Variants in RAPGEF2 observed in about 807,000 individuals in gnomAD.
RAPGEF2 encodes Rap guanine nucleotide exchange factor 2.
Under a neutral mutation model 186.7 loss-of-function variants are expected in RAPGEF2, and 54 were observed. That is an observed-to-expected ratio of 0.29 (90% CI 0.23 to 0.36). The LOEUF is 0.36. RAPGEF2 is among the 10% of genes least tolerant of loss of function. RAPGEF2 has a pLI of 1.00. For missense variants in RAPGEF2, 1,532 were observed against 2,045.0 expected (o/e 0.75, Z 4.84); for synonymous variants, 712 against 705.9 (o/e 1.01, Z -0.14).
chr4:159,124,703 T>C (rs1016559665), intron 1 of RAPGEF2, among the ~76,000 whole-genome samples: 61 of 152,344 alleles, frequency 4.0e-4, no homozygotes, highest in African/African-American at 1.3e-3. Context: ...CTGTTTTGGT[T>C]ATTTTTTCTT....
chr4:159,355,619 A>G (rs555900459), intron 28 of RAPGEF2, among the ~76,000 whole-genome samples: 190 of 152,272 alleles, frequency 1.2e-3, no homozygotes, highest in African/African-American at 4.2e-3. Flanking sequence ...ACTTAGATGG[A>G]CTAGCAGCTT....
At chr4:159,332,332 C>A in intron 16 of RAPGEF2, 119 bp from the exon 17 acceptor site, 2 of 1,055,754 alleles carry the variant, frequency 1.9e-6, no homozygotes, top group Non-Finnish European at 2.7e-6. Flanking sequence ...TGCAGGTTTG[C>A]AGTTTTGATA....
chr4:159,227,369 A>T (rs1752150168), intron 4 of RAPGEF2, among the ~76,000 whole-genome samples: 1 of 152,232 alleles, frequency 6.6e-6, no homozygotes, highest in South Asian at 2.1e-4. Flanking sequence ...TTTGAAGATA[A>T]GATATTAGAG....
intron 25 of RAPGEF2, among the ~76,000 whole-genome samples, chr4:159,348,703 T>A (rs1580052813): frequency 6.6e-6 from 1 of 152,230 alleles, no homozygotes; most frequent in African/African-American, 2.4e-5. Flanking sequence ...TTAGCCATAT[T>A]TAATATAATG....
In RAPGEF2 at chr4:159,221,218, C is replaced by G. The variant is rs560930815; in HGVS notation, c.281+10635C>G. Among the ~76,000 whole-genome samples, 5 of 152,258 alleles carry G rather than the reference C, an allele frequency of 3.3e-5. No homozygotes were observed. In the East Asian group the frequency reaches 9.6e-4, roughly 29 times the overall value. On this transcript the variant is annotated intron_variant, in intron 4 of 29. Coordinates refer to ENST00000691494, the MANE Select transcript of RAPGEF2 (RefSeq NM_001394067.2). ...AAAAGGACCCTGGGAGTGGATGGTT[C>G]AGGATGGTTTGGTGGTGGCTGCAAA...
At position 159,103,125 on chromosome 4, in the gene RAPGEF2, CGGAGGAAGAGGA is replaced by C. The variant is rs1209387549; in HGVS notation, c.-1035_-1024del. 6.6e-6 allele frequency: 1 copy of C among 152,400 alleles called. No homozygotes were observed. Among genetic ancestry groups the C allele is most frequent in the East Asian group, 1.9e-4 (1 of 5,196 alleles). 9.4% of individuals were successfully genotyped at this position (152,400 alleles called of 1,614,324 possible). On this transcript the variant is annotated 5_prime_UTR_variant, in exon 1 of 30. Transcript: ENST00000691494. ...GAGAAGGCGCAGGAGGAGGAAGAGG[CGGAGGAAGAGGA>C]GGGGAATCGCCGCTTCCCAAACACT...
intron 1 of RAPGEF2, among the ~76,000 whole-genome samples, chr4:159,162,566 C>A (rs867669377): frequency 2.6e-5 from 4 of 152,192 alleles, no homozygotes; most frequent in African/African-American, 9.6e-5. Flanking sequence ...CTACTTAAAT[C>A]CTGCCTACAT....
chr4:159,215,949 A>G (rs1205853836), intron 4 of RAPGEF2, among the ~76,000 whole-genome samples: 2 of 152,222 alleles, frequency 1.3e-5, no homozygotes, highest in Non-Finnish European at 2.9e-5. Context: ...TTATTTGGGC[A>G]TCAGACTTAG....
rs1729508294 is a variant in RAPGEF2 at position 159,341,820 on chromosome 4, T to C, written c.2791T>C (p.Trp931Arg). 1 of 1,612,934 alleles carries C rather than the reference T, an allele frequency of 6.2e-7. No individual in the cohort carries two copies. The change falls in exon 20 of 30, where the codon TGG becomes CGG. Residue 931 changes from tryptophan (W) to arginine (R), a missense_variant. By Grantham distance (101) the Trp-to-Arg change is moderately radical (BLOSUM62 -3). Around this residue, in one of 4 missense-constraint regions of RAPGEF2, gnomAD observed 810 missense variants for 1,210.5 expected, o/e 0.67. Coordinates refer to ENST00000691494, the MANE Select transcript of RAPGEF2 (RefSeq NM_001394067.2). ...FEEVINQETF[W>R]VASEILRETN... ...AGAAGTCATTAACCAGGAAACATTT[T>C]GGGTAGCATCTGAAATTCTCAGAGA...
chr4:159,300,902 CT>C, intron 7 of RAPGEF2, among the ~76,000 whole-genome samples: 1 of 152,160 alleles, frequency 6.6e-6, no homozygotes, highest in East Asian at 1.9e-4. Context: ...CTCTCAACCC[CT>C]ACATGGTTTG....
At chr4:159,112,812 G>A (rs756653586) in intron 1 of RAPGEF2, among the ~76,000 whole-genome samples, 7 of 152,026 alleles carry the variant, frequency 4.6e-5, no homozygotes, top group African/African-American at 1.4e-4. Context: ...CAGGATATTT[G>A]CATAGTCTCA....
intron 24 of RAPGEF2, 61 bp from the exon 25 acceptor site, chr4:159,346,728 T>C: frequency 2.9e-6 from 4 of 1,374,746 alleles, no homozygotes; most frequent in Non-Finnish European, 4.1e-6. Context: ...AGAATTATCT[T>C]CTACATACCT....
intron 3 of RAPGEF2, among the ~76,000 whole-genome samples, chr4:159,196,923 GC>G (rs1748711722): frequency 6.6e-6 from 1 of 152,162 alleles, no homozygotes; most frequent in South Asian, 2.1e-4. Context: ...ATTTAGAGTT[GC>G]CCATTTGGAA....
At chr4:159,203,493 G>C (rs938493501) in intron 3 of RAPGEF2, among the ~76,000 whole-genome samples, 1 of 152,192 alleles carries the variant, frequency 6.6e-6, no homozygotes, top group Non-Finnish European at 1.5e-5. Context: ...GGAAGAAAGC[G>C]ACTCACTTTC....
intron 1 of RAPGEF2, among the ~76,000 whole-genome samples, chr4:159,161,427 G>C (rs536113087): frequency 1.3e-5 from 2 of 152,296 alleles, no homozygotes; most frequent in African/African-American, 4.8e-5. Flanking sequence ...AATTTAGGCT[G>C]GGCACCGTGG....
chr4:159,212,880 C>T (rs946003469), intron 4 of RAPGEF2, among the ~76,000 whole-genome samples: 13 of 152,186 alleles, frequency 8.5e-5, no homozygotes. Flanking sequence ...AGTCAAGTAA[C>T]AGCTTGTTCT....
At chr4:159,115,705 C>T (rs1738971757) in intron 1 of RAPGEF2, among the ~76,000 whole-genome samples, 1 of 152,038 alleles carries the variant, frequency 6.6e-6, no homozygotes, top group Non-Finnish European at 1.5e-5. Flanking sequence ...CTACAGTAAC[C>T]AAAACAGCAT....
chr4:159,303,179 G>A (rs1762873502), intron 7 of RAPGEF2, among the ~76,000 whole-genome samples: 2 of 152,036 alleles, frequency 1.3e-5, no homozygotes, highest in African/African-American at 4.8e-5. Flanking sequence ...TTGGAGCTCC[G>A]AAGTATCAAA....
At chr4:159,219,895 A>C (rs1751370628) in intron 4 of RAPGEF2, among the ~76,000 whole-genome samples, 1 of 152,214 alleles carries the variant, frequency 6.6e-6, no homozygotes, top group Admixed American at 6.5e-5. Context: ...TCCTACAAAT[A>C]TTATTGATTG....
Sources: allele counts gnomAD v4.1 joint callset (sites outside exome capture counted in the v4.1 genomes callset), GRCh38; gene constraint gnomAD v4.1.1; regional missense constraint gnomAD v4.1.1; transcripts MANE v1.5; gene names NCBI Gene and HGNC (gene_info 2026-07-23, HGNC 2026-07-21).